AMBRA1: variants seen among roughly 807,000 people sequenced by gnomAD.
AMBRA1 encodes the protein autophagy and beclin 1 regulator 1, also known as activating molecule in BECN1-regulated autophagy protein 1.
A neutral mutation model predicts 125.4 loss-of-function variants in AMBRA1; 47 were observed. The observed-to-expected ratio is 0.37, with a 90% CI of 0.30 to 0.48. The LOEUF (loss-of-function observed/expected upper bound fraction) is 0.48, where lower values mean the gene tolerates loss of function less well. AMBRA1 is among the 20% of genes least tolerant of loss of function. The probability of loss-of-function intolerance (pLI) is 0.99; values close to 1 mark genes in which losing one functional copy is unlikely to be tolerated. For missense variants in AMBRA1, 1,331 were observed against 1,693.4 expected, an observed-to-expected ratio of 0.79 and a Z score of 3.76; for synonymous variants, 626 against 655.5, an observed-to-expected ratio of 0.95 and a Z score of 0.69.
intron 1 of AMBRA1, among the ~76,000 whole-genome samples, chr11:46,562,635 T>C (rs1332266014): frequency 6.6e-6 from 1 of 152,204 alleles, no homozygotes; most frequent in Non-Finnish European, 1.5e-5. Flanking sequence ...AGGGTTCTAC[T>C]ATATGTGTTA....
In AMBRA1 at chr11:46,512,808, A is replaced by G; in HGVS notation, c.2078T>C (p.Leu693Pro). 1.2e-6 allele frequency: 2 copies of G among 1,613,040 alleles called. No individual in the cohort carries two copies. Among genetic ancestry groups the G allele is most frequent in the Non-Finnish European group, 1.7e-6 (2 of 1,179,478 alleles). Residue 693 changes from leucine to proline, a missense_variant, in exon 8 of 18, where the codon CTG becomes CCG. Physicochemically the swap from Leu to Pro is moderately conservative, Grantham distance 98 (BLOSUM62 -3). This residue lies in a region of AMBRA1 where 689 missense variants were observed against 776.5 expected (regional missense o/e 0.89). Coordinates refer to ENST00000683756, the MANE Select transcript of AMBRA1 (RefSeq NM_001387011.1). ...TAATGAAATGAGGGAAGATTCCAGC[A>G]GCCTCCTAGCAGAGATTAAAAAAAT... ...SSEEDSLRRR[L>P]LESSLISLSR...
intron 8 of AMBRA1, among the ~76,000 whole-genome samples, chr11:46,511,891 G>A (rs1951273624): frequency 6.6e-6 from 1 of 151,894 alleles, no homozygotes; most frequent in Non-Finnish European, 1.5e-5. Context: ...GTCTTGCTCT[G>A]TCACCCAGGC....
At chr11:46,514,886 G>T (rs1015126319) in intron 7 of AMBRA1, among the ~76,000 whole-genome samples, 3 of 152,136 alleles carry the variant, frequency 2.0e-5, no homozygotes, top group Non-Finnish European at 4.4e-5. Flanking sequence ...GAGATACAGA[G>T]TCTGGGAAAA....
intron 11 of AMBRA1, among the ~76,000 whole-genome samples, chr11:46,464,818 A>T (rs1440920894): frequency 5.3e-5 from 8 of 151,938 alleles, no homozygotes; most frequent in Admixed American, 5.2e-4. Flanking sequence ...AGGCCAAGGC[A>T]GTCGGATCAC....
chr11:46,487,325 TAAC>T (rs988939961), intron 11 of AMBRA1, among the ~76,000 whole-genome samples: 1 of 151,962 alleles, frequency 6.6e-6, no homozygotes, highest in Non-Finnish European at 1.5e-5. Flanking sequence ...TTAACAATAA[TAAC>T]AAGTAAATTG....
intron 11 of AMBRA1, among the ~76,000 whole-genome samples, chr11:46,485,700 GA>G (rs1333940417): frequency 1.3e-5 from 2 of 152,178 alleles, no homozygotes; most frequent in Non-Finnish European, 2.9e-5. Flanking sequence ...CATAAGTGGG[GA>G]AAGATCAAGA....
chr11:46,473,360 A>G (rs1257025833), intron 11 of AMBRA1, among the ~76,000 whole-genome samples: 1 of 152,226 alleles, frequency 6.6e-6, no homozygotes, highest in African/African-American at 2.4e-5. Flanking sequence ...ATCTGGTTTG[A>G]GTGCCAGGAA....
At chr11:46,512,629 C>G in intron 8 of AMBRA1, 98 bp downstream of exon 8, 1 of 875,120 alleles carries the variant, frequency 1.1e-6, no homozygotes, top group South Asian at 1.8e-5. Context: ...TAAAAGAGCA[C>G]CAGGACCAGA....
chr11:46,507,323 CA>C (rs1168703830), intron 9 of AMBRA1, among the ~76,000 whole-genome samples: 2 of 136,854 alleles, frequency 1.5e-5, no homozygotes, highest in Non-Finnish European at 3.2e-5. Flanking sequence ...ACTAAAAATA[CA>C]AAAAATTAGC....
intron 7 of AMBRA1, among the ~76,000 whole-genome samples, chr11:46,513,896 T>C (rs996155232): frequency 1.3e-5 from 2 of 152,074 alleles, no homozygotes; most frequent in African/African-American, 4.8e-5. Context: ...TTTTTTTTTT[T>C]TTTAAACAAC....
intron 9 of AMBRA1, 65 bp from the exon 10 acceptor site, chr11:46,494,269 A>C: frequency 7.3e-7 from 1 of 1,375,216 alleles, no homozygotes; most frequent in South Asian, 1.3e-5. Flanking sequence ...CCAGCCCAAA[A>C]AGGAAACATC....
Position 46,430,608 on chromosome 11 carries a change from A to G in AMBRA1, c.2976+2866T>C, listed in dbSNP as rs1054450062. On this transcript the variant is annotated intron_variant, in intron 14 of 17. Transcript: ENST00000683756. ...TAGCAATTAGCAATTCATTTTCAGA[A>G]GAGTTTTCATATGGGATTGTGTCAG... is the stretch of plus-strand genomic sequence containing the variant. Among the ~76,000 whole-genome samples, 58 of 152,212 alleles carry G rather than the reference A, an allele frequency of 3.8e-4. 1 individual carries two copies. The highest frequency in any genetic ancestry group is 1.4e-3 in the African/African-American group (57 of 41,454).
chr11:46,404,191 A>C (rs977106924), intron 17 of AMBRA1, among the ~76,000 whole-genome samples: 1 of 152,238 alleles, frequency 6.6e-6, no homozygotes, highest in Non-Finnish European at 1.5e-5. Flanking sequence ...CTTGTCTCAA[A>C]AAATAAAAAC....
intron 14 of AMBRA1, chr11:46,428,739 T>G: frequency 6.2e-7 from 1 of 1,609,898 alleles, no homozygotes; most frequent in Non-Finnish European, 8.5e-7. Context: ...TCGGCTTTCT[T>G]GTCGGCACCA....
intron 9 of AMBRA1, among the ~76,000 whole-genome samples, chr11:46,506,048 T>C (rs1951025051): frequency 6.6e-6 from 1 of 152,158 alleles, no homozygotes; most frequent in Non-Finnish European, 1.5e-5. Flanking sequence ...GGCATGTATG[T>C]TTCAACTGCT....
chr11:46,526,206 C>CA (rs1350304082), intron 7 of AMBRA1, among the ~76,000 whole-genome samples: 1 of 151,480 alleles, frequency 6.6e-6, no homozygotes, highest in East Asian at 1.9e-4. Flanking sequence ...AACATCGGCT[C>CA]AAAAATAAAT....
At chr11:46,548,786 A>C (rs2042901666) in intron 1 of AMBRA1, among the ~76,000 whole-genome samples, 1 of 152,178 alleles carries the variant, frequency 6.6e-6, no homozygotes. Flanking sequence ...TGAGGTCAGG[A>C]GTTTGAGACA....
At position 46,429,188 on chromosome 11, in the gene AMBRA1, CCT is replaced by C. The variant is rs930469580; in HGVS notation, c.2976+4284_2976+4285del. On this transcript the variant is annotated intron_variant, in intron 14 of 17. Coordinates refer to ENST00000683756, the MANE Select transcript of AMBRA1 (RefSeq NM_001387011.1). ...CGCCACGCACTGGCTTCATCCTCCC[CCT>C]CTCCCTCGGACAATCTTCGCCTACC... 24 of 1,494,524 alleles carry C rather than the reference CCT, an allele frequency of 1.6e-5. No homozygotes were observed. In the Admixed American group the frequency reaches 4.7e-4, roughly 29 times the overall value. The allele number at this position is 1,494,524 out of a possible 1,614,324, so 92.6% of individuals were successfully genotyped here. A position where few individuals can be genotyped will look rare whatever the true frequency, so the allele number is the denominator to read the frequency against.
chr11:46,553,339 A>G (rs1278775217), intron 1 of AMBRA1, among the ~76,000 whole-genome samples: 1 of 152,248 alleles, frequency 6.6e-6, no homozygotes, highest in African/African-American at 2.4e-5. Flanking sequence ...TCTAAAGAGT[A>G]CACAACCAGA....
Sources: allele counts gnomAD v4.1 joint callset (sites outside exome capture counted in the v4.1 genomes callset), GRCh38; gene constraint gnomAD v4.1.1; regional missense constraint gnomAD v4.1.1; transcripts MANE v1.5; gene names NCBI Gene and HGNC (gene_info 2026-07-23, HGNC 2026-07-21).